HEATR3: variants seen among roughly 807,000 people sequenced by gnomAD.
The protein encoded by HEATR3 is HEAT repeat containing 3.
HEATR3 carries 56 observed loss-of-function variants against 72.8 expected under a neutral mutation model. That is an observed-to-expected ratio of 0.77 (90% CI 0.62 to 0.96). The LOEUF (loss-of-function observed/expected upper bound fraction) is 0.96, where lower values mean the gene tolerates loss of function less well. Ranked by LOEUF, HEATR3 falls within the 40% of genes least tolerant of loss-of-function variation. HEATR3 has a pLI of 0.00. For synonymous variants in HEATR3, 331 were observed against 318.1 expected (o/e 1.04, Z -0.43); for missense variants, 747 against 831.4 (o/e 0.90, Z 1.25).
chr16:50,074,362 G>A (rs2036677106), intron 5 of HEATR3: 1 of 137,288 alleles, frequency 7.3e-6, no homozygotes, highest in South Asian at 2.3e-4. Context: ...TTTTTGAGAT[G>A]GAGTCTCAGC....
intron 7 of HEATR3, among the ~76,000 whole-genome samples, chr16:50,081,418 C>T (rs144033010): frequency 0.019 from 2,941 of 152,078 alleles, 103 homozygotes; most frequent in African/African-American, 0.068. Flanking sequence ...GCACTCCAGC[C>T]TGGGCAACTG....
chr16:50,094,977 C>T (rs992678822), intron 12 of HEATR3, among the ~76,000 whole-genome samples, 184 bp downstream of exon 12: 1 of 152,138 alleles, frequency 6.6e-6, no homozygotes, highest in Non-Finnish European at 1.5e-5. Context: ...CTACCATCAG[C>T]AACACACAGG....
At chr16:50,077,223 G>A (rs2036755447) in intron 6 of HEATR3, among the ~76,000 whole-genome samples, 1 of 151,548 alleles carries the variant, frequency 6.6e-6, no homozygotes, top group African/African-American at 2.4e-5. Flanking sequence ...TGTTGACCAG[G>A]CTGGTCTCGA....
rs2036751412 is a variant in HEATR3 at position 50,077,085 on chromosome 16, A to G, written c.763+1374A>G. 1.3e-5 allele frequency among the ~76,000 whole-genome samples: 2 copies of G among 151,992 alleles called. 1 individual carries two copies. The highest frequency in any genetic ancestry group is 4.1e-4 in the South Asian group (2 of 4,822). On this transcript the variant is annotated intron_variant, in intron 6 of 14. Coordinates refer to ENST00000299192, the MANE Select transcript of HEATR3 (RefSeq NM_182922.4). ...AAGACGGGGTTTCACTGTGTTAGCC[A>G]GGATGGTCTTGATCTCCTGACCTTG...
chr16:50,067,479 GC>G (rs1312803298), intron 2 of HEATR3, among the ~76,000 whole-genome samples: 1 of 152,062 alleles, frequency 6.6e-6, no homozygotes, highest in Non-Finnish European at 1.5e-5. Context: ...CAGCAAAGAA[GC>G]GAAGCAGCAG....
chr16:50,107,149 G>C lies in HEATR3; in HGVS notation c.*2088G>C, dbSNP rs1186428955. 6.6e-6 allele frequency among the ~76,000 whole-genome samples: 1 copy of C among 152,058 alleles called. No individual in the cohort carries two copies. The highest frequency in any genetic ancestry group is 2.4e-5 in the African/African-American group (1 of 41,398). ...CAAGGAGAAAAAAGTTCCTCATTCT[G>C]TTTATTCTTCCCCACAGTTTCTGAC... On this transcript the variant is annotated 3_prime_UTR_variant, in exon 15 of 15. Transcript: ENST00000299192.
chr16:50,093,246 G>A (rs2037159465), intron 11 of HEATR3, among the ~76,000 whole-genome samples: 1 of 152,184 alleles, frequency 6.6e-6, no homozygotes, highest in Non-Finnish European at 1.5e-5. Context: ...GAACTGTGGG[G>A]CAGGAAGTGA....
chr16:50,090,853 C>A (rs2037093777), intron 11 of HEATR3, among the ~76,000 whole-genome samples: 1 of 152,064 alleles, frequency 6.6e-6, no homozygotes, highest in Non-Finnish European at 1.5e-5. Flanking sequence ...ATTGAAAATT[C>A]AGGCTGGGTG....
Position 50,065,998 on chromosome 16 carries a change from C to T in HEATR3, c.-134C>T. The T allele has an allele frequency of 1.3e-6, 1 of 750,314 alleles. No homozygotes were observed. The highest frequency in any genetic ancestry group is 1.9e-6 in the Non-Finnish European group (1 of 519,524). The allele number at this position is 750,314 out of a possible 1,614,324, so 46.5% of individuals were successfully genotyped here. A position where few individuals can be genotyped will look rare whatever the true frequency, so the allele number is the denominator to read the frequency against. ...CGACGCGCCGTGCGCCTGCGCACGG[C>T]TTGCCCATGTGTGCTGCAGCCGTCA... On this transcript the variant is annotated 5_prime_UTR_variant, in exon 1 of 15. Coordinates refer to ENST00000299192, the MANE Select transcript of HEATR3 (RefSeq NM_182922.4).
Position 50,100,382 on chromosome 16 carries a change from AT to A in HEATR3, c.1743+12del. The A allele has an allele frequency of 5.0e-6, 8 of 1,613,228 alleles. No homozygotes were observed. Among genetic ancestry groups the A allele is most frequent in the Non-Finnish European group, 6.8e-6 (8 of 1,179,494 alleles). On this transcript the variant is annotated intron_variant, in intron 13 of 14. Coordinates refer to ENST00000299192, the MANE Select transcript of HEATR3 (RefSeq NM_182922.4). Reference sequence around the variant, plus strand: ...CACTTGAAACTCTTAAGGTAAAACAATTTGCTTCTGACCTAACATGTTAAAT... The same window carrying A: ...CACTTGAAACTCTTAAGGTAAAACAATTGCTTCTGACCTAACATGTTAAAT...
rs905378034 is a variant in HEATR3 at position 50,105,773 on chromosome 16, G to C, written c.*712G>C. ...TTTCAGTAGAGACGGGTTTCACCGTGTTGGCCAGGCTGGTCTCAAATTCCT... is the reference window on the plus strand; with the variant it reads ...TTTCAGTAGAGACGGGTTTCACCGTCTTGGCCAGGCTGGTCTCAAATTCCT... On this transcript the variant is annotated 3_prime_UTR_variant, in exon 15 of 15. Coordinates refer to ENST00000299192, the MANE Select transcript of HEATR3 (RefSeq NM_182922.4). 14 of 151,330 alleles carry C rather than the reference G, an allele frequency of 9.3e-5. No homozygotes were observed. The highest frequency in any genetic ancestry group is 2.6e-4 in the Admixed American group (4 of 15,142). The allele number at this position is 151,330 out of a possible 1,614,324, so 9.4% of individuals were successfully genotyped here.
intron 2 of HEATR3, 23 bp downstream of exon 2, chr16:50,066,562 C>A: frequency 7.8e-7 from 1 of 1,278,532 alleles, no homozygotes; most frequent in Non-Finnish European, 9.8e-7. Context: ...GGGTGCGGGG[C>A]GGTGCCCACC....
At position 50,089,266 on chromosome 16, in the gene HEATR3, G is replaced by A. The variant is rs79811868; in HGVS notation, c.1510+2915G>A. 9.0e-3 allele frequency among the ~76,000 whole-genome samples: 1,368 copies of A among 152,090 alleles called. 17 individuals are homozygous for A. The highest frequency in any genetic ancestry group is 0.026 in the South Asian group (127 of 4,812). On this transcript the variant is annotated intron_variant, in intron 11 of 14. Coordinates refer to ENST00000299192, the MANE Select transcript of HEATR3 (RefSeq NM_182922.4). ...TGTGACATGCTGCTAGGTTAAGAATGCTTTTGTGTATCCTGAGGGTCTTGA... is the reference window on the plus strand; with the variant it reads ...TGTGACATGCTGCTAGGTTAAGAATACTTTTGTGTATCCTGAGGGTCTTGA...
chr16:50,066,498 C>A lies in HEATR3; in HGVS notation c.270C>A (p.Asp90Glu), dbSNP rs2036500019. Residue 90 changes from aspartate (D) to glutamate (E), a missense_variant, in exon 2 of 15, where the codon GAC becomes GAA. Coordinates refer to ENST00000299192, the MANE Select transcript of HEATR3 (RefSeq NM_182922.4). ...AVRRLGPLLLDPSLAVRETAA... is the reference protein window; with the variant it reads ...AVRRLGPLLLEPSLAVRETAA... Reference sequence around the variant, plus strand: ...GCCGCCTCGGGCCGCTGCTGCTAGACCCCAGCCTGGCCGTCAGGGAGACTG... The same window carrying A: ...GCCGCCTCGGGCCGCTGCTGCTAGAACCCAGCCTGGCCGTCAGGGAGACTG... 7.5e-7 allele frequency: 1 copy of A among 1,326,526 alleles called. No homozygotes were observed. The allele number at this position is 1,326,526 out of a possible 1,614,324, so 82.2% of individuals were successfully genotyped here. A position where few individuals can be genotyped will look rare whatever the true frequency, so the allele number is the denominator to read the frequency against.
Position 50,066,355 on chromosome 16 carries a change from T to C in HEATR3, c.139-12T>C, listed in dbSNP as rs1243840683. The C allele has an allele frequency of 1.3e-6, 2 of 1,554,806 alleles. No individual in the cohort carries two copies. The highest frequency in any genetic ancestry group is 1.2e-5 in the South Asian group (1 of 85,704). On this transcript the variant is annotated splice_polypyrimidine_tract_variant and intron_variant, in intron 1 of 14. Coordinates refer to ENST00000299192, the MANE Select transcript of HEATR3 (RefSeq NM_182922.4). Reference sequence around the variant, plus strand: ...TTGCGCGCCTTCTGACCCTTTTCGCTCTCATCCGCAGCTCCAGCACCCGAG... The same window carrying C: ...TTGCGCGCCTTCTGACCCTTTTCGCCCTCATCCGCAGCTCCAGCACCCGAG...
At chr16:50,067,797 A>G (rs891558439) in intron 2 of HEATR3, among the ~76,000 whole-genome samples, 3 of 152,320 alleles carry the variant, frequency 2.0e-5, no homozygotes, top group South Asian at 2.1e-4. Flanking sequence ...TAAAGTGCCA[A>G]CTGTGTGCCA....
chr16:50,085,571 CTG>C, intron 10 of HEATR3, among the ~76,000 whole-genome samples: 1 of 152,110 alleles, frequency 6.6e-6, no homozygotes, highest in Non-Finnish European at 1.5e-5. Flanking sequence ...CAGTCTAAGG[CTG>C]TAGTGAGCTA....
At chr16:50,070,763 C>T (rs1417697668) in intron 4 of HEATR3, among the ~76,000 whole-genome samples, 1 of 152,130 alleles carries the variant, frequency 6.6e-6, no homozygotes, top group Non-Finnish European at 1.5e-5. Flanking sequence ...CCCTCCTTCC[C>T]AGTCCGTTTT....
intron 13 of HEATR3, among the ~76,000 whole-genome samples, chr16:50,101,521 A>G (rs746984649): frequency 9.9e-5 from 15 of 152,120 alleles, no homozygotes; most frequent in Non-Finnish European, 2.1e-4. Flanking sequence ...TGAAGTCCAC[A>G]TGTTATGTTT....
Sources: gnomAD v4.1 joint callset for allele counts (sites outside exome capture counted in the v4.1 genomes callset) on GRCh38, gnomAD v4.1.1 for gene constraint, MANE v1.5 for transcripts, NCBI Gene and HGNC (gene_info 2026-07-23, HGNC 2026-07-21) for gene names.